The following AGBL3 variants were observed in gnomAD, a reference collection of about 807,000 sequenced individuals.
AGBL3 encodes the protein cytosolic carboxypeptidase 3.
AGBL3 carries 68 observed loss-of-function variants against 94.5 expected under a neutral mutation model. The ratio of observed to expected loss-of-function variants is 0.72; its 90% CI spans 0.59 to 0.88. AGBL3 has a LOEUF of 0.88. Ranked by LOEUF, AGBL3 falls within the 40% of genes least tolerant of loss-of-function variation. The probability of loss-of-function intolerance (pLI) is 0.00; values close to 1 mark genes in which losing one functional copy is unlikely to be tolerated. For missense variants in AGBL3, 934 were observed against 1,103.8 expected (o/e 0.85, Z 2.18); for synonymous variants, 354 against 370.7 (o/e 0.95, Z 0.52).
chr7:134,993,561 T>C lies in AGBL3; in HGVS notation c.193T>C (p.Trp65Arg). Residue 65 changes from tryptophan (W) to arginine (R), a missense_variant, in exon 4 of 17, where the codon TGG becomes CGG. By Grantham distance (101) the Trp-to-Arg change is moderately radical. Transcript: ENST00000436302. ...ACTATTAGAATATCAGCTAGGGAGATGGGTGCCACGTCTTCGTGAACCAAG... is the reference window on the plus strand; with the variant it reads ...ACTATTAGAATATCAGCTAGGGAGACGGGTGCCACGTCTTCGTGAACCAAG... ...QILLEYQLGRWVPRLREPRDL... is the reference protein window; with the variant it reads ...QILLEYQLGRRVPRLREPRDL... The C allele has an allele frequency of 1.9e-6, 3 of 1,551,856 alleles. No individual in the cohort carries two copies. In the South Asian group the frequency reaches 3.6e-5, roughly 18 times the overall value.
At chr7:135,133,604 C>T (rs1011710764) in intron 16 of AGBL3, among the ~76,000 whole-genome samples, 1 of 151,984 alleles carries the variant, frequency 6.6e-6, no homozygotes, top group Non-Finnish European at 1.5e-5. Context: ...AGGCAAAAAC[C>T]AAGAAATAGA....
At chr7:135,066,328 G>C (rs1819298304) in intron 12 of AGBL3, among the ~76,000 whole-genome samples, 1 of 152,176 alleles carries the variant, frequency 6.6e-6, no homozygotes. Flanking sequence ...TACTTGAATA[G>C]ACATTTCTCC....
chr7:135,102,946 C>CTT (rs913818530), intron 15 of AGBL3, among the ~76,000 whole-genome samples: 1 of 152,084 alleles, frequency 6.6e-6, no homozygotes, highest in Non-Finnish European at 1.5e-5. Context: ...AAATCATTCT[C>CTT]TTTAAAAGAC....
intron 14 of AGBL3, among the ~76,000 whole-genome samples, 192 bp downstream of exon 14, chr7:135,080,452 T>C (rs1820821677): frequency 1.3e-5 from 2 of 152,174 alleles, no homozygotes; most frequent in African/African-American, 2.4e-5. Context: ...CGCAGTGTCA[T>C]AGACACAATG....
chr7:135,053,415 C>G (rs1818061536), intron 11 of AGBL3, among the ~76,000 whole-genome samples: 1 of 152,140 alleles, frequency 6.6e-6, no homozygotes. Flanking sequence ...TGAGACCAGC[C>G]TGACCAACAT....
intron 5 of AGBL3, among the ~76,000 whole-genome samples, chr7:135,019,014 C>T (rs182326504): frequency 6.6e-6 from 1 of 152,310 alleles, no homozygotes; most frequent in African/African-American, 2.4e-5. Context: ...GCTCCAGCCC[C>T]AGGCAAACAC....
chr7:135,058,357 C>T (rs1818519062), intron 11 of AGBL3, among the ~76,000 whole-genome samples: 1 of 152,076 alleles, frequency 6.6e-6, no homozygotes. Context: ...ACGTGCCTAC[C>T]ACTGCATTAA....
intron 10 of AGBL3, 73 bp from the exon 11 acceptor site, chr7:135,045,726 C>G: frequency 7.5e-7 from 1 of 1,337,932 alleles, no homozygotes; most frequent in Non-Finnish European, 1.0e-6. Context: ...TTCCAGGTGT[C>G]TATAAATACT....
chr7:135,048,752 TG>T (rs1434806495), intron 11 of AGBL3, among the ~76,000 whole-genome samples: 3 of 111,506 alleles, frequency 2.7e-5, no homozygotes, highest in South Asian at 3.8e-4. Context: ...TTCTCACAGT[TG>T]TTTTTTTTTT....
chr7:135,002,688 G>T (rs1811871481), intron 4 of AGBL3, among the ~76,000 whole-genome samples: 1 of 152,184 alleles, frequency 6.6e-6, no homozygotes, highest in Admixed American at 6.5e-5. Flanking sequence ...TACAGGGTTT[G>T]GACAACCTAG....
intron 15 of AGBL3, among the ~76,000 whole-genome samples, chr7:135,095,413 G>A (rs993875852): frequency 3.3e-5 from 5 of 152,114 alleles, no homozygotes; most frequent in Non-Finnish European, 7.4e-5. Flanking sequence ...GACAACAGGA[G>A]AGACAAAAAC....
intron 12 of AGBL3, among the ~76,000 whole-genome samples, chr7:135,069,895 G>C (rs146629163): frequency 0.012 from 1,767 of 152,276 alleles, 27 homozygotes; most frequent in African/African-American, 0.04. Flanking sequence ...GAAGGAAATA[G>C]AGGCACAAAA....
At chr7:135,133,086 CA>C (rs1318666003) in intron 16 of AGBL3, among the ~76,000 whole-genome samples, 2 of 152,064 alleles carry the variant, frequency 1.3e-5, no homozygotes, top group Non-Finnish European at 2.9e-5. Flanking sequence ...CACACACACA[CA>C]CACACACACA....
intron 13 of AGBL3, among the ~76,000 whole-genome samples, chr7:135,078,943 A>G (rs1305201104): frequency 6.6e-6 from 1 of 152,206 alleles, no homozygotes; most frequent in Non-Finnish European, 1.5e-5. Context: ...AGACATCAAT[A>G]CATCCCTAAA....
At chr7:135,066,187 G>A (rs1819281560) in intron 12 of AGBL3, among the ~76,000 whole-genome samples, 1 of 152,112 alleles carries the variant, frequency 6.6e-6, no homozygotes. Flanking sequence ...GCAGGAAAAG[G>A]CCACCTATGG....
chr7:135,081,685 T>G, intron 14 of AGBL3, 34 bp from the exon 15 acceptor site: 1 of 1,374,948 alleles, frequency 7.3e-7, no homozygotes. Flanking sequence ...GCGAGTTATT[T>G]TCATGCTACT....
chr7:135,084,343 G>C (rs187215464), intron 15 of AGBL3, among the ~76,000 whole-genome samples: 95 of 151,888 alleles, frequency 6.3e-4, no homozygotes, highest in African/African-American at 1.7e-3. Context: ...CTTTGTGTTT[G>C]GTACATTCAA....
At chr7:135,084,732 T>G (rs1821194450) in intron 15 of AGBL3, among the ~76,000 whole-genome samples, 1 of 152,202 alleles carries the variant, frequency 6.6e-6, no homozygotes, top group Admixed American at 6.5e-5. Context: ...ATTTTCTTTA[T>G]CATTTCATCT....
intron 13 of AGBL3, among the ~76,000 whole-genome samples, chr7:135,079,818 A>G (rs1820773061): frequency 6.6e-6 from 1 of 151,928 alleles, no homozygotes; most frequent in Admixed American, 6.6e-5. Flanking sequence ...ATTTTACATA[A>G]TTTTATATCT....
Sources: allele counts gnomAD v4.1 joint callset (sites outside exome capture counted in the v4.1 genomes callset), GRCh38; gene constraint gnomAD v4.1.1; transcripts MANE v1.5; gene names NCBI Gene and HGNC (gene_info 2026-07-23, HGNC 2026-07-21).